Variants in TLR3 observed in about 807,000 individuals in gnomAD.
TLR3 encodes the protein toll-like receptor 3.
In TLR3, 43 loss-of-function variants were observed where a neutral mutation model predicts 66.4. That is an observed-to-expected ratio of 0.65 (90% confidence interval 0.51 to 0.83). The LOEUF (loss-of-function observed/expected upper bound fraction) is 0.83, where lower values mean the gene tolerates loss of function less well. Ranked by LOEUF, TLR3 falls within the 40% of genes least tolerant of loss-of-function variation. The pLI is 0.00. For missense variants in TLR3, 982 were observed against 1,044.6 expected (o/e 0.94, Z 0.83); for synonymous variants, 397 against 397.2 (o/e 1.00, Z 0.01).
intron 1 of TLR3, among the ~76,000 whole-genome samples, chr4:186,074,731 A>G (rs73025926): frequency 0.19 from 28,552 of 152,194 alleles, 2,690 homozygotes; most frequent in South Asian, 0.23. Flanking sequence ...AGCACATTGT[A>G]CACCTATACA....
In TLR3 at chr4:186,076,536, A is replaced by C. The variant is rs2099302484; in HGVS notation, c.-7-77A>C. ...TGGTCATATTTTGGTGATATATTTT[A>C]CAAGGAATATACCAATGCATTTGAA... On this transcript the variant is annotated intron_variant, in intron 1 of 4. Coordinates refer to ENST00000296795, the MANE Select transcript of TLR3 (RefSeq NM_003265.3). 4 of 1,348,558 alleles carry C rather than the reference A, an allele frequency of 3.0e-6. No individual in the cohort carries two copies. The East Asian group carries it at 9.2e-5, about 31-fold the overall frequency. The allele number at this position is 1,348,558 out of a possible 1,614,324, so 83.5% of individuals were successfully genotyped here.
Position 186,074,155 on chromosome 4 carries a change from A to G in TLR3, c.-7-2458A>G, listed in dbSNP as rs140025403. ...AATGGCCTCACCAAATGGCCCAGGCATTCCAATCCTAGTTATTTACCCCAA... is the reference window on the plus strand; with the variant it reads ...AATGGCCTCACCAAATGGCCCAGGCGTTCCAATCCTAGTTATTTACCCCAA... On this transcript the variant is annotated intron_variant, in intron 1 of 4. Transcript: ENST00000296795. Among the ~76,000 whole-genome samples the G allele has an allele frequency of 7.4e-4, 112 of 152,342 alleles. 1 individual carries two copies. Among genetic ancestry groups the G allele is most frequent in the African/African-American group, 2.6e-3 (107 of 41,584 alleles).
chr4:186,073,899 T>C (rs940058076), intron 1 of TLR3, among the ~76,000 whole-genome samples: 1 of 146,962 alleles, frequency 6.8e-6, no homozygotes, highest in African/African-American at 2.4e-5. Context: ...AACAATCTAA[T>C]AGATGAGCAA....
intron 1 of TLR3, among the ~76,000 whole-genome samples, chr4:186,072,014 A>G (rs1561368874): frequency 6.6e-6 from 1 of 152,232 alleles, no homozygotes; most frequent in East Asian, 1.9e-4. Flanking sequence ...AAAGTGTGAC[A>G]ATGTATGGAG....
chr4:186,082,264 C>T, intron 3 of TLR3, 56 bp from the exon 4 acceptor site: 3 of 801,832 alleles, frequency 3.7e-6, no homozygotes, highest in Non-Finnish European at 4.1e-6. Context: ...CTTTCAACAG[C>T]ATTACAGAGT....
At chr4:186,070,502 A>G (rs1218157007) in intron 1 of TLR3, among the ~76,000 whole-genome samples, 2 of 151,760 alleles carry the variant, frequency 1.3e-5, no homozygotes, top group African/African-American at 2.4e-5. Context: ...CTCACACCTC[A>G]GTGTCACGAG....
chr4:186,075,668 G>A (rs1348510206), intron 1 of TLR3, among the ~76,000 whole-genome samples: 2 of 151,902 alleles, frequency 1.3e-5, no homozygotes, highest in Admixed American at 6.6e-5. Flanking sequence ...TTTTAAAATT[G>A]TAAATAATAT....
intron 1 of TLR3, among the ~76,000 whole-genome samples, chr4:186,071,221 T>C (rs2099301414): frequency 6.6e-6 from 1 of 152,184 alleles, no homozygotes; most frequent in African/African-American, 2.4e-5. Flanking sequence ...CTGCCTAGCA[T>C]TTGGTGAGTT....
intron 1 of TLR3, among the ~76,000 whole-genome samples, chr4:186,071,732 A>C (rs1054255571): frequency 1.3e-5 from 2 of 152,212 alleles, no homozygotes; most frequent in Non-Finnish European, 2.9e-5. Flanking sequence ...TATTAGTAAA[A>C]TCGCTATTTT....
rs199768900 is a variant in TLR3 at position 186,084,758 on chromosome 4, G to A, written c.2600G>A (p.Arg867Gln). Residue 867 changes from arginine (R) to glutamine (Q), a missense_variant, in exon 5 of 5, where the codon CGA becomes CAA. Around this residue, in one of 3 missense-constraint regions of TLR3, gnomAD observed 666 missense variants for 709.0 expected, o/e 0.94. Transcript: ENST00000296795. ...AAACTGAACCATGCACTCTGTTTGC[G>A]AAGAGGAATGTTTAAATCTCACTGC... ...DYKLNHALCL[R>Q]RGMFKSHCIL... 526 of 1,613,994 alleles carry A rather than the reference G, an allele frequency of 3.3e-4. 2 individuals are homozygous for A. The highest frequency in any genetic ancestry group is 8.2e-5 in the Non-Finnish European group (97 of 1,179,952).
Position 186,083,713 on chromosome 4 carries a change from T to C in TLR3, c.2027T>C (p.Leu676Pro). 1 of 1,608,038 alleles carries C rather than the reference T, an allele frequency of 6.2e-7. No homozygotes were observed. The highest frequency in any genetic ancestry group is 2.2e-5 in the East Asian group (1 of 44,832). The change falls in exon 4 of 5, where the codon CTT becomes CCT. Residue 676 changes from leucine (L) to proline (P), a missense_variant. Coordinates refer to ENST00000296795, the MANE Select transcript of TLR3 (RefSeq NM_003265.3). The surrounding 1 kb of genome is among the most constrained non-coding windows in gnomAD (Gnocchi z 4.0). Reference protein sequence around the residue: ...TNIPELSSHYLCNTPPHYHGF... With the variant: ...TNIPELSSHYPCNTPPHYHGF... ...ATCCCTGAGCTGTCAAGCCACTACC[T>C]TTGCAACACTCCACCTCACTATCAT...
rs2099303750 is a variant in TLR3, at chr4:186,082,736, T to C, written c.1050T>C (p.Ser350=). ...LASLPKIDDF[S]FQWLKCLEHL... is the part of the protein sequence containing the mutation. ...CACTCCCCAAGATTGATGATTTTTCTTTTCAGTGGCTAAAATGTTTGGAGC... is the reference window on the plus strand; with the variant it reads ...CACTCCCCAAGATTGATGATTTTTCCTTTCAGTGGCTAAAATGTTTGGAGC... The change falls in exon 4 of 5, where the codon TCT becomes TCC. Residue 350 remains serine (S), a synonymous_variant. Coordinates refer to ENST00000296795, the MANE Select transcript of TLR3 (RefSeq NM_003265.3). The C allele has an allele frequency of 1.2e-6, 2 of 1,614,130 alleles. No homozygotes were observed. Among genetic ancestry groups the C allele is most frequent in the East Asian group, 4.5e-5 (2 of 44,874 alleles).
In TLR3 at chr4:186,083,122, T is replaced by A; in HGVS notation, c.1436T>A (p.Val479Asp). 1 of 1,614,178 alleles carries A rather than the reference T, an allele frequency of 6.2e-7. No homozygotes were observed. Among genetic ancestry groups the A allele is most frequent in the Non-Finnish European group, 8.5e-7 (1 of 1,180,030 alleles). Residue 479 changes from valine to aspartate, a missense_variant, in exon 4 of 5, where the codon GTC becomes GAC. This residue lies in a region of TLR3 where 666 missense variants were observed against 709.0 expected (regional missense o/e 0.94). Transcript: ENST00000296795. The surrounding 1 kb of genome is among the most constrained non-coding windows in gnomAD (Gnocchi z 4.0). ...CTGACTAGGAACTCCTTTGCCTTGG[T>A]CCCAAGCCTTCAACGACTGATGCTC... is the stretch of plus-strand genomic sequence containing the variant. ...LQLTRNSFALVPSLQRLMLRR... is the reference protein window; with the variant it reads ...LQLTRNSFALDPSLQRLMLRR...
rs1428226954 is a variant in TLR3, at chr4:186,084,078, T to C, written c.2392T>C (p.Phe798Leu). 6.2e-7 allele frequency: 1 copy of C among 1,614,172 alleles called. No homozygotes were observed. Among genetic ancestry groups the C allele is most frequent in the South Asian group, 1.1e-5 (1 of 91,084 alleles). ...AGAAAGGGACTTTGAGGCGGGTGTT[T>C]TTGAACTAGAAGCAATTGTTAACAG... ...LEERDFEAGVFELEAIVNSIK... is the reference protein window; with the variant it reads ...LEERDFEAGVLELEAIVNSIK... The change falls in exon 4 of 5, where the codon TTT becomes CTT. Residue 798 changes from phenylalanine to leucine, a missense_variant. This residue lies in a region of TLR3 where 666 missense variants were observed against 709.0 expected (regional missense o/e 0.94). Coordinates refer to ENST00000296795, the MANE Select transcript of TLR3 (RefSeq NM_003265.3).
chr4:186,075,875 G>T (rs1446881913), intron 1 of TLR3, among the ~76,000 whole-genome samples: 1 of 152,082 alleles, frequency 6.6e-6, no homozygotes, highest in African/African-American at 2.4e-5. Context: ...AAATTAACTG[G>T]CTGGGCACGG....
intron 1 of TLR3, among the ~76,000 whole-genome samples, chr4:186,071,362 C>T (rs1416315972): frequency 6.6e-6 from 1 of 152,182 alleles, no homozygotes; most frequent in Admixed American, 6.5e-5. Context: ...TACATCTCAC[C>T]TAAGCAAGGA....
chr4:186,075,032 TA>T (rs1027577315), intron 1 of TLR3, among the ~76,000 whole-genome samples: 5 of 151,334 alleles, frequency 3.3e-5, no homozygotes, highest in East Asian at 1.9e-4. Context: ...ACAGTTAACT[TA>T]AAAAAAAATT....
In TLR3 at chr4:186,086,523, TGCCACCCTGACA is replaced by T. The variant is rs1267542643; in HGVS notation, c.*1653_*1664del. ...GACTAATTGTCACTTTCATGTTATT[TGCCACCCTGACA>T]GCTGAGACACTGCTTTTCAGCATTT... On this transcript the variant is annotated 3_prime_UTR_variant, in exon 5 of 5. Coordinates refer to ENST00000296795, the MANE Select transcript of TLR3 (RefSeq NM_003265.3). The T allele has an allele frequency of 6.6e-6, 1 of 152,234 alleles. No individual in the cohort carries two copies. The highest frequency in any genetic ancestry group is 2.4e-5 in the African/African-American group (1 of 41,458). The allele number at this position is 152,234 out of a possible 1,614,324, so 9.4% of individuals were successfully genotyped here.
chr4:186,081,753 G>A (rs1011910560), intron 3 of TLR3: 1 of 154,264 alleles, frequency 6.5e-6, no homozygotes, highest in Non-Finnish European at 1.4e-5. Context: ...CTGAAAAGGT[G>A]GCATCTAAGC....
Sources: allele counts gnomAD v4.1 joint callset (sites outside exome capture counted in the v4.1 genomes callset), GRCh38; gene constraint gnomAD v4.1.1; regional missense constraint gnomAD v4.1.1; non-coding constraint Gnocchi (gnomAD v3.1); transcripts MANE v1.5; gene names NCBI Gene and HGNC (gene_info 2026-07-23, HGNC 2026-07-21).